The following GRM5 variants were observed in gnomAD, a reference collection of about 807,000 sequenced individuals.
GRM5 encodes metabotropic glutamate receptor 5.
In GRM5, 19 loss-of-function variants were observed where a neutral mutation model predicts 83.1. The ratio of observed to expected loss-of-function variants is 0.23; its 90% CI spans 0.16 to 0.34. GRM5 has a LOEUF of 0.34. Ranked by LOEUF, GRM5 falls within the 10% of genes least tolerant of loss-of-function variation. The pLI is 1.00. For synonymous variants in GRM5, 675 were observed against 633.6 expected, an observed-to-expected ratio of 1.07 and a Z score of -0.98; for missense variants, 1,160 against 1,588.3, an observed-to-expected ratio of 0.73 and a Z score of 4.58.
chr11:88,508,899 G>T lies in GRM5; in HGVS notation c.3332C>A (p.Thr1111Asn). 3 of 1,598,168 alleles carry T rather than the reference G, an allele frequency of 1.9e-6. No individual in the cohort carries two copies. Among genetic ancestry groups the T allele is most frequent in the Non-Finnish European group, 2.6e-6 (3 of 1,173,270 alleles). The change falls in exon 10 of 10, where the codon ACC becomes AAC. Residue 1111 changes from threonine to asparagine, a missense_variant. By Grantham distance (65) the Thr-to-Asn change is moderately conservative. Transcript: ENST00000305447. The surrounding 1 kb of genome is among the most constrained non-coding windows in gnomAD (Gnocchi z 4.2). ...CGGCAGAGGCTGGATTTCGGCAAAG[G>T]TCGTCATGGTCGTGGGCAACTGGAT... is the stretch of plus-strand genomic sequence containing the variant. ...KEIQLPTTMT[T>N]FAEIQPLPAI...
At chr11:88,673,108 T>A (rs186260364) in intron 3 of GRM5, among the ~76,000 whole-genome samples, 12 of 152,116 alleles carry the variant, frequency 7.9e-5, no homozygotes, top group Admixed American at 6.6e-4. Context: ...CAGTCTAATT[T>A]ATACTATTTT....
At chr11:88,827,275 TCCA>T (rs1464077866) in intron 3 of GRM5, among the ~76,000 whole-genome samples, 1 of 152,210 alleles carries the variant, frequency 6.6e-6, no homozygotes, top group Non-Finnish European at 1.5e-5. Context: ...CTGGCACTAC[TCCA>T]CATCAGCAAT....
intron 2 of GRM5, among the ~76,000 whole-genome samples, chr11:88,886,525 C>T (rs1945046734): frequency 6.6e-6 from 1 of 152,104 alleles, no homozygotes; most frequent in African/African-American, 2.4e-5. Flanking sequence ...TGGAGCATCC[C>T]CCAGTACCCA....
intron 2 of GRM5, among the ~76,000 whole-genome samples, chr11:88,992,764 A>C (rs1227213173): frequency 6.6e-6 from 1 of 151,566 alleles, no homozygotes; most frequent in Middle Eastern, 3.2e-3. Flanking sequence ...AACTATCGCA[A>C]GGACAAAAAA....
chr11:88,784,997 T>A (rs1009926957), intron 3 of GRM5, among the ~76,000 whole-genome samples: 12 of 152,072 alleles, frequency 7.9e-5, no homozygotes, highest in Non-Finnish European at 1.5e-5. Flanking sequence ...CAAGAGATGT[T>A]GCGGTATAAA....
intron 2 of GRM5, among the ~76,000 whole-genome samples, chr11:88,958,941 A>G (rs573833362): frequency 1.3e-5 from 2 of 152,108 alleles, no homozygotes; most frequent in Non-Finnish European, 2.9e-5. Flanking sequence ...ATTTTTAAAA[A>G]GTTTGCAAAG....
chr11:89,016,025 A>G (rs542975943), intron 2 of GRM5, among the ~76,000 whole-genome samples: 1 of 152,260 alleles, frequency 6.6e-6, no homozygotes, highest in East Asian at 1.9e-4. Flanking sequence ...TGAAACAATC[A>G]AAACCCAGTT....
intron 2 of GRM5, among the ~76,000 whole-genome samples, chr11:88,884,319 G>A (rs1945007185): frequency 6.6e-6 from 1 of 152,160 alleles, no homozygotes; most frequent in Non-Finnish European, 1.5e-5. Flanking sequence ...GGACTTGCAT[G>A]GAGCCTGAAG....
At chr11:88,643,052 C>T (rs1939338719) in intron 4 of GRM5, among the ~76,000 whole-genome samples, 1 of 150,404 alleles carries the variant, frequency 6.6e-6, no homozygotes, top group Non-Finnish European at 1.5e-5. Context: ...GTCATTTTTA[C>T]ATTGTTATTA....
chr11:88,632,806 C>T (rs758837013), intron 4 of GRM5, among the ~76,000 whole-genome samples: 80 of 152,230 alleles, frequency 5.3e-4, no homozygotes, highest in African/African-American at 1.7e-3. Flanking sequence ...ATCAACAGTA[C>T]GTGAGAATAT....
chr11:88,718,968 C>CCTAT (rs1257549585), intron 3 of GRM5, among the ~76,000 whole-genome samples: 1 of 147,146 alleles, frequency 6.8e-6, no homozygotes, highest in Non-Finnish European at 1.5e-5. Context: ...GTTTGGCCAC[C>CCTAT]CTATCTAAAA....
intron 3 of GRM5, among the ~76,000 whole-genome samples, chr11:88,655,170 A>C (rs1388067668): frequency 1.3e-5 from 2 of 152,146 alleles, no homozygotes; most frequent in Non-Finnish European, 2.9e-5. Flanking sequence ...GTTTTGTCCC[A>C]ATGTTGAATT....
intron 7 of GRM5, among the ~76,000 whole-genome samples, chr11:88,582,444 G>A (rs1411068989): frequency 6.6e-6 from 1 of 152,166 alleles, no homozygotes; most frequent in Non-Finnish European, 1.5e-5. Context: ...GTAGGAATGT[G>A]ATAAAATCTT....
chr11:88,975,716 G>A (rs1939313696), intron 2 of GRM5, among the ~76,000 whole-genome samples: 1 of 152,178 alleles, frequency 6.6e-6, no homozygotes, highest in East Asian at 1.9e-4. Flanking sequence ...TGTTTGTGAA[G>A]CACTGCCATC....
chr11:88,622,093 AT>A (rs5793337), intron 4 of GRM5, among the ~76,000 whole-genome samples: 123,163 of 151,752 alleles, frequency 0.81, 50,185 homozygotes, highest in South Asian at 0.92. Flanking sequence ...TCACAACACT[AT>A]TTTCAACCAT....
intron 9 of GRM5, among the ~76,000 whole-genome samples, chr11:88,522,630 T>A (rs956205812): frequency 1.3e-5 from 2 of 151,612 alleles, no homozygotes; most frequent in East Asian, 3.9e-4. Flanking sequence ...TGTGTGTGTG[T>A]GTGTGTGTGT....
intron 2 of GRM5, among the ~76,000 whole-genome samples, chr11:89,006,532 T>C (rs1940530164): frequency 1.3e-5 from 2 of 152,084 alleles, no homozygotes; most frequent in Admixed American, 1.3e-4. Flanking sequence ...CCCCAATGAC[T>C]TCCCATTGCT....
chr11:89,042,635 C>T (rs1346508652), intron 2 of GRM5, among the ~76,000 whole-genome samples: 2 of 152,118 alleles, frequency 1.3e-5, no homozygotes, highest in Non-Finnish European at 2.9e-5. Context: ...TATTCAGTAG[C>T]TTCCACAGTA....
chr11:88,722,871 A>G (rs1332231326), intron 3 of GRM5, among the ~76,000 whole-genome samples: 3 of 148,600 alleles, frequency 2.0e-5, no homozygotes, highest in African/African-American at 7.8e-5. Flanking sequence ...ATTATTATTG[A>G]CTGAAGTCTA....
Sources: allele counts gnomAD v4.1 joint callset (sites outside exome capture counted in the v4.1 genomes callset), GRCh38; gene constraint gnomAD v4.1.1; non-coding constraint Gnocchi (gnomAD v3.1); transcripts MANE v1.5; gene names NCBI Gene and HGNC (gene_info 2026-07-23, HGNC 2026-07-21).